Variants in SYT16 observed in about 807,000 individuals in gnomAD.
The protein encoded by SYT16 is synaptotagmin 16, also known as synaptotagmin-16.
In SYT16, 42 loss-of-function variants were observed where a neutral mutation model predicts 61.4. The ratio of observed to expected loss-of-function variants is 0.68; its 90% CI spans 0.53 to 0.89. SYT16 has a LOEUF of 0.89. Among genes scored for constraint, SYT16 ranks in the 40% least tolerant of loss-of-function variants. The pLI is 0.00. For synonymous variants in SYT16, 314 were observed against 302.3 expected (o/e 1.04, Z -0.40); for missense variants, 804 against 807.3 (o/e 1.00, Z 0.05).
At chr14:62,091,922 T>G (rs922847615) in intron 7 of SYT16, among the ~76,000 whole-genome samples, 1 of 152,036 alleles carries the variant, frequency 6.6e-6, no homozygotes, top group Non-Finnish European at 1.5e-5. Flanking sequence ...ACCCATAGAA[T>G]GGGAGAAAAT....
intron 1 of SYT16, among the ~76,000 whole-genome samples, chr14:61,931,595 G>T (rs1021418473): frequency 2.6e-5 from 4 of 152,042 alleles, no homozygotes; most frequent in Admixed American, 2.6e-4. Context: ...CCTTTTAATG[G>T]CTGCATGAAA....
chr14:62,024,511 A>G (rs77848609), intron 3 of SYT16, among the ~76,000 whole-genome samples: 9,633 of 152,118 alleles, frequency 0.063, 541 homozygotes, highest in African/African-American at 0.16. Context: ...TAAGTTCCCA[A>G]TAAAATTGAT....
At chr14:62,018,292 CTTCTTCTTTTTTTT>C (rs2053772570) in intron 3 of SYT16, among the ~76,000 whole-genome samples, 1 of 61,540 alleles carries the variant, frequency 1.6e-5, no homozygotes, top group African/African-American at 6.5e-5. Context: ...TCTTCTTCTT[CTTCTTCTTTTTTTT>C]TTTTTTTTTT....
intron 1 of SYT16, among the ~76,000 whole-genome samples, chr14:61,858,660 C>G (rs992608856): frequency 6.6e-6 from 1 of 152,034 alleles, no homozygotes; most frequent in Admixed American, 6.6e-5. Flanking sequence ...AAAATTAGTA[C>G]GTGAACTTGT....
intron 1 of SYT16, among the ~76,000 whole-genome samples, chr14:61,933,087 G>A (rs2049840946): frequency 6.6e-6 from 1 of 152,196 alleles, no homozygotes; most frequent in Admixed American, 6.5e-5. Flanking sequence ...TAGTTGCCAT[G>A]GAAACGCAAA....
intron 1 of SYT16, among the ~76,000 whole-genome samples, chr14:61,918,397 G>A (rs1159070798): frequency 6.6e-6 from 1 of 152,100 alleles, no homozygotes; most frequent in East Asian, 1.9e-4. Flanking sequence ...GCCAACAGGT[G>A]GTGATGGCTG....
intron 1 of SYT16, among the ~76,000 whole-genome samples, chr14:61,841,453 T>G (rs141511250): frequency 1.0e-3 from 156 of 152,342 alleles, no homozygotes; most frequent in African/African-American, 3.5e-3. Flanking sequence ...ATTCCTAGAT[T>G]AGCAGTTTTC....
chr14:61,869,833 G>T (rs901255480), intron 1 of SYT16, among the ~76,000 whole-genome samples: 23 of 152,102 alleles, frequency 1.5e-4, no homozygotes, highest in Non-Finnish European at 2.9e-4. Context: ...TGCAAACCTG[G>T]GAGCAGGCTC....
intron 1 of SYT16, among the ~76,000 whole-genome samples, chr14:61,949,785 C>T (rs1031251718): frequency 6.6e-6 from 1 of 152,116 alleles, no homozygotes; most frequent in Non-Finnish European, 1.5e-5. Context: ...GTACTTTAGC[C>T]CCCTGTGATT....
intron 1 of SYT16, among the ~76,000 whole-genome samples, chr14:61,875,637 C>G (rs1176906365): frequency 6.6e-6 from 1 of 152,164 alleles, no homozygotes; most frequent in Non-Finnish European, 1.5e-5. Flanking sequence ...AGCTATGAAG[C>G]CAGGGACAGA....
intron 1 of SYT16, among the ~76,000 whole-genome samples, chr14:61,904,410 C>G (rs2048629139): frequency 6.6e-6 from 1 of 152,134 alleles, no homozygotes; most frequent in Non-Finnish European, 1.5e-5. Context: ...AAATGCAAAC[C>G]TGGGATTGCC....
intron 2 of SYT16, among the ~76,000 whole-genome samples, chr14:61,994,032 G>A (rs1312390869): frequency 6.6e-6 from 1 of 152,106 alleles, no homozygotes; most frequent in African/African-American, 2.4e-5. Flanking sequence ...AATTGAGTCT[G>A]GGTAAGAAGA....
intron 3 of SYT16, among the ~76,000 whole-genome samples, chr14:62,068,281 G>C (rs965659070): frequency 6.6e-6 from 1 of 152,066 alleles, no homozygotes. Flanking sequence ...AACATGAATG[G>C]AACTGGAGGA....
intron 5 of SYT16, among the ~76,000 whole-genome samples, chr14:62,078,022 A>G (rs2056557588): frequency 6.6e-6 from 1 of 152,104 alleles, no homozygotes; most frequent in Non-Finnish European, 1.5e-5. Context: ...CATTAAGAGC[A>G]GGGGCCTCAA....
intron 2 of SYT16, among the ~76,000 whole-genome samples, chr14:61,987,735 A>AT (rs2052375966): frequency 3.6e-5 from 2 of 55,598 alleles, no homozygotes; most frequent in Non-Finnish European, 7.3e-5. Context: ...ATTAGGAATG[A>AT]TTTTTTTCCT....
At chr14:62,047,716 G>T (rs991975071) in intron 3 of SYT16, among the ~76,000 whole-genome samples, 1 of 152,144 alleles carries the variant, frequency 6.6e-6, no homozygotes, top group African/African-American at 2.4e-5. Flanking sequence ...GGCCTTTTCT[G>T]CATCTATTGA....
intron 1 of SYT16, among the ~76,000 whole-genome samples, chr14:61,931,451 C>A (rs1048983802): frequency 6.6e-6 from 1 of 152,032 alleles, no homozygotes. Flanking sequence ...AAGTCCACAA[C>A]GAAGACACTC....
chr14:62,087,631 GAGAATCT>G (rs1413232522), intron 7 of SYT16, among the ~76,000 whole-genome samples: 1 of 152,208 alleles, frequency 6.6e-6, no homozygotes. Flanking sequence ...ATTTAGAAGT[GAGAATCT>G]TTTTGCCTCA....
At chr14:61,874,841 C>T (rs189211942) in intron 1 of SYT16, among the ~76,000 whole-genome samples, 21 of 151,286 alleles carry the variant, frequency 1.4e-4, no homozygotes, top group African/African-American at 5.1e-4. Context: ...GAGGCATGTG[C>T]CAAATGATGG....
Sources: allele counts gnomAD v4.1 joint callset (sites outside exome capture counted in the v4.1 genomes callset), GRCh38; gene constraint gnomAD v4.1.1; transcripts MANE v1.5; gene names NCBI Gene and HGNC (gene_info 2026-07-23, HGNC 2026-07-21).